AKIRIN1: variants seen among roughly 807,000 people sequenced by gnomAD.
AKIRIN1 encodes akirin-1.
Under a neutral mutation model 25.9 loss-of-function variants are expected in AKIRIN1, and 4 were observed. The ratio of observed to expected loss-of-function variants is 0.15; its 90% confidence interval spans 0.08 to 0.35. The LOEUF is 0.35. Ranked by LOEUF, AKIRIN1 falls within the 10% of genes least tolerant of loss-of-function variation. The pLI, the probability that AKIRIN1 is intolerant of heterozygous loss-of-function variation, is 1.00. For synonymous variants in AKIRIN1, 125 were observed against 105.1 expected (o/e 1.19, Z -1.16); for missense variants, 243 against 266.1 (o/e 0.91, Z 0.61).
rs755537415 is a variant in AKIRIN1 at position 39,000,981 on chromosome 1, G to T, written c.371G>T (p.Trp124Leu). 10 of 1,610,818 alleles carry T rather than the reference G, an allele frequency of 6.2e-6. No individual in the cohort carries two copies. The highest frequency in any genetic ancestry group is 8.5e-6 in the Non-Finnish European group (10 of 1,178,820). Residue 124 changes from tryptophan to leucine, a missense_variant, in exon 3 of 5, where the codon TGG becomes TTG. Trp to Leu is a moderately conservative substitution (Grantham distance 61). Transcript: ENST00000432648. ...LTAPSSPGSS[W>L]MKKDQPTFTL... ...TTTTTCTTTTGGCCAGGTTCCTCAT[G>T]GATGAAGAAGGACCAGCCCACATTT... is the stretch of plus-strand genomic sequence containing the variant.
chr1:38,991,345 G>A lies in AKIRIN1; in HGVS notation c.-36G>A, dbSNP rs1217480194. ...AGGAGCCTCTTGGGCCGCACTTACCGCCGCGTCCGCTCCCGGTCCCTGGCC... is the reference window on the plus strand; with the variant it reads ...AGGAGCCTCTTGGGCCGCACTTACCACCGCGTCCGCTCCCGGTCCCTGGCC... On this transcript the variant is annotated 5_prime_UTR_variant, in exon 1 of 5. Coordinates refer to ENST00000432648, the MANE Select transcript of AKIRIN1 (RefSeq NM_024595.3). 3 of 1,332,884 alleles carry A rather than the reference G, an allele frequency of 2.3e-6. No individual in the cohort carries two copies. The highest frequency in any genetic ancestry group is 1.5e-5 in the African/African-American group (1 of 65,172). The allele number at this position is 1,332,884 out of a possible 1,614,324, so 82.6% of individuals were successfully genotyped here.
Position 38,994,672 on chromosome 1 carries a change from A to ATTTTTTTTTTTTTTTTTT in AKIRIN1, c.220+3089_220+3106dup, listed in dbSNP as rs10528399. Among the ~76,000 whole-genome samples, 40 of 63,554 alleles carry ATTTTTTTTTTTTTTTTTT rather than the reference A, an allele frequency of 6.3e-4. 1 individual carries two copies. The highest frequency in any genetic ancestry group is 3.3e-3 in the South Asian group (3 of 920). The allele number at this position is 63,554 out of a possible 152,430, so 41.7% of individuals were successfully genotyped here. ...AGGCATGTGTCACTACGCTCGGCTA[A>ATTTTTTTTTTTTTTTTTT]TTTTTTTTTTTTTTTTTTTTTTTTT... On this transcript the variant is annotated intron_variant, in intron 1 of 4. Coordinates refer to ENST00000432648, the MANE Select transcript of AKIRIN1 (RefSeq NM_024595.3).
intron 3 of AKIRIN1, among the ~76,000 whole-genome samples, chr1:39,002,107 T>A (rs1422640379): frequency 6.6e-6 from 1 of 152,230 alleles, no homozygotes. Context: ...GTACTCTATG[T>A]CAAGCACAAA....
chr1:38,998,120 G>A, intron 1 of AKIRIN1, 51 bp from the exon 2 acceptor site: 1 of 1,563,334 alleles, frequency 6.4e-7, no homozygotes, highest in South Asian at 1.2e-5. Flanking sequence ...AAGAAAGTTT[G>A]AAGAAATGAG....
At chr1:38,992,059 T>A (rs1364030099) in intron 1 of AKIRIN1, among the ~76,000 whole-genome samples, 3 of 152,080 alleles carry the variant, frequency 2.0e-5, no homozygotes, top group Non-Finnish European at 2.9e-5. Flanking sequence ...TTTAGCCCTG[T>A]AGGGAGACAT....
intron 2 of AKIRIN1, among the ~76,000 whole-genome samples, chr1:38,998,684 T>G (rs1378725936): frequency 4.6e-5 from 7 of 151,894 alleles, no homozygotes; most frequent in African/African-American, 1.7e-4. Context: ...CAGGCGGATC[T>G]CCTGAGGTCA....
chr1:38,993,631 CAAAAA>C (rs529279921), intron 1 of AKIRIN1, among the ~76,000 whole-genome samples: 3 of 109,010 alleles, frequency 2.8e-5, no homozygotes, highest in Non-Finnish European at 3.5e-5. Flanking sequence ...AACTCCATCT[CAAAAA>C]AAAAAAAAAA....
intron 1 of AKIRIN1, among the ~76,000 whole-genome samples, chr1:38,996,826 G>C (rs1378626184): frequency 6.6e-6 from 1 of 152,168 alleles, no homozygotes; most frequent in Non-Finnish European, 1.5e-5. Flanking sequence ...ACCATACCCA[G>C]CTGGCCCATA....
chr1:39,001,009 C>T lies in AKIRIN1; in HGVS notation c.399C>T (p.Thr133=). ...SWMKKDQPTF[T]LRQVGIICER... Reference sequence around the variant, plus strand: ...TGAAGAAGGACCAGCCCACATTTACCCTCCGACAAGTTGGCATAATATGTG... The same window carrying T: ...TGAAGAAGGACCAGCCCACATTTACTCTCCGACAAGTTGGCATAATATGTG... The change falls in exon 3 of 5, where the codon ACC becomes ACT. Residue 133 remains threonine, a synonymous_variant. Transcript: ENST00000432648. The T allele has an allele frequency of 6.2e-7, 1 of 1,613,600 alleles. No homozygotes were observed. Among genetic ancestry groups the T allele is most frequent in the Non-Finnish European group, 8.5e-7 (1 of 1,179,826 alleles).
intron 3 of AKIRIN1, among the ~76,000 whole-genome samples, chr1:39,001,516 T>A (rs1368750294): frequency 6.6e-6 from 1 of 152,080 alleles, no homozygotes; most frequent in Non-Finnish European, 1.5e-5. Context: ...TCCGCCCACC[T>A]TGACCTCCCA....
Position 38,991,511 on chromosome 1 carries a change from A to G in AKIRIN1, c.131A>G (p.Glu44Gly), listed in dbSNP as rs1162681672. 1.4e-6 allele frequency: 2 copies of G among 1,452,636 alleles called. No individual in the cohort carries two copies. Among genetic ancestry groups the G allele is most frequent in the Non-Finnish European group, 1.8e-6 (2 of 1,107,104 alleles). The allele number at this position is 1,452,636 out of a possible 1,614,324, so 90.0% of individuals were successfully genotyped here. Residue 44 changes from glutamate to glycine, a missense_variant, in exon 1 of 5, where the codon GAG becomes GGG. By Grantham distance (98) the Glu-to-Gly change is moderately conservative. This residue lies in a region of AKIRIN1 where 190 missense variants were observed against 174.4 expected (regional missense o/e 1.09). Transcript: ENST00000432648. ...CCGGGCCTCAGGCCCCCGGACGCCG[A>G]GCCGCCGCCGCCGTTTCAGACGCAG... The part of the protein sequence containing the change: ...PTPGLRPPDA[E>G]PPPPFQTQTP...
rs765926630 is a variant in AKIRIN1, at chr1:38,998,426, A to C, written c.361+115A>C. On this transcript the variant is annotated intron_variant, in intron 2 of 4. Transcript: ENST00000432648. ...ATAGAATTGCTAACGGGGATGTATT[A>C]ATATTTACAGATATTTTTAAAACTA... 202 of 1,173,662 alleles carry C rather than the reference A, an allele frequency of 1.7e-4. 1 individual carries two copies. Among genetic ancestry groups the C allele is most frequent in the Non-Finnish European group, 1.8e-4 (152 of 866,256 alleles). The allele number at this position is 1,173,662 out of a possible 1,614,324, so 72.7% of individuals were successfully genotyped here.
chr1:38,998,873 CAAAA>C (rs397860789), intron 2 of AKIRIN1, among the ~76,000 whole-genome samples: 7 of 137,154 alleles, frequency 5.1e-5, no homozygotes, highest in Admixed American at 1.4e-4. Flanking sequence ...GTCTCTGTCT[CAAAA>C]AAAAAAAAAG....
chr1:39,003,180 C>G (rs1644007792), intron 3 of AKIRIN1, among the ~76,000 whole-genome samples, 167 bp from the exon 4 acceptor site: 1 of 152,160 alleles, frequency 6.6e-6, no homozygotes, highest in Admixed American at 6.5e-5. Context: ...AGGAACAGAT[C>G]TCAGTGACCT....
At chr1:39,001,702 AGT>A (rs1335224490) in intron 3 of AKIRIN1, among the ~76,000 whole-genome samples, 3 of 152,166 alleles carry the variant, frequency 2.0e-5, no homozygotes, top group Non-Finnish European at 4.4e-5. Context: ...CACCTTGCCC[AGT>A]GGGAGGGATT....
chr1:38,996,784 C>A (rs745437935), intron 1 of AKIRIN1, among the ~76,000 whole-genome samples: 12 of 152,132 alleles, frequency 7.9e-5, no homozygotes, highest in African/African-American at 1.4e-4. Flanking sequence ...CTGCCTCAGC[C>A]TCCCAAAGTG....
chr1:38,994,508 C>T (rs1028246128), intron 1 of AKIRIN1, among the ~76,000 whole-genome samples: 8 of 151,664 alleles, frequency 5.3e-5, no homozygotes, highest in African/African-American at 1.9e-4. Context: ...TTAGCTGAGT[C>T]TTTTTTTGTT....
At chr1:38,997,925 C>A (rs1304211112) in intron 1 of AKIRIN1, among the ~76,000 whole-genome samples, 2 of 152,138 alleles carry the variant, frequency 1.3e-5, no homozygotes, top group Non-Finnish European at 2.9e-5. Flanking sequence ...GCCAAAGTAG[C>A]TATTCTTTTA....
In AKIRIN1 at chr1:38,998,323, T is replaced by A. The variant is rs1643962489; in HGVS notation, c.361+12T>A. The A allele has an allele frequency of 6.3e-7, 1 of 1,588,986 alleles. No homozygotes were observed. On this transcript the variant is annotated intron_variant, in intron 2 of 4. Coordinates refer to ENST00000432648, the MANE Select transcript of AKIRIN1 (RefSeq NM_024595.3). ...ACCTAGCTCTCCAGGTAAGCCCACT[T>A]TGATCTGCAAAATTCGCATTAAGAG... is the stretch of plus-strand genomic sequence containing the variant.
Sources: allele counts gnomAD v4.1 joint callset (sites outside exome capture counted in the v4.1 genomes callset), GRCh38; gene constraint gnomAD v4.1.1; regional missense constraint gnomAD v4.1.1; transcripts MANE v1.5; gene names NCBI Gene and HGNC (gene_info 2026-07-23, HGNC 2026-07-21).